ZNF653: variants seen among roughly 807,000 people sequenced by gnomAD.
ZNF653 encodes the protein 67 kDa zinc finger protein.
In ZNF653, 37 loss-of-function variants were observed where a neutral mutation model predicts 59.9. The observed-to-expected ratio is 0.62, with a 90% CI of 0.48 to 0.81. The LOEUF is 0.81. ZNF653 is among the 40% of genes least tolerant of loss of function. The probability of loss-of-function intolerance (pLI) is 0.00; values close to 1 mark genes in which losing one functional copy is unlikely to be tolerated. For synonymous variants in ZNF653, 435 were observed against 371.8 expected, an observed-to-expected ratio of 1.17 and a Z score of -1.96; for missense variants, 808 against 881.1, an observed-to-expected ratio of 0.92 and a Z score of 1.05.
At chr19:11,498,147 A>T in intron 2 of ZNF653, 149 bp downstream of exon 2, 1 of 1,016,734 alleles carries the variant, frequency 9.8e-7, no homozygotes, top group Non-Finnish European at 1.5e-6. Context: ...CGCCTGAGAC[A>T]CAAGACACGC....
Position 11,486,933 on chromosome 19 carries a change from G to C in ZNF653, c.1344-53C>G, listed in dbSNP as rs1342677676. The C allele has an allele frequency of 4.3e-6, 7 of 1,610,586 alleles. No individual in the cohort carries two copies. The Admixed American group carries it at 1.2e-4, about 27-fold the overall frequency. ...GGCTCCCGCACCAGGCAGGCTGGGG[G>C]CCTGCGGGCCGCTTCTAGCCCTCGC... On this transcript the variant is annotated intron_variant, in intron 5 of 8. Coordinates refer to ENST00000293771, the MANE Select transcript of ZNF653 (RefSeq NM_138783.4).
intron 2 of ZNF653, 136 bp from the exon 3 acceptor site, chr19:11,496,301 G>T: frequency 1.2e-6 from 1 of 817,356 alleles, no homozygotes; most frequent in Non-Finnish European, 1.9e-6. Context: ...CCTGTACCCA[G>T]TTTAAAGGGG....
In ZNF653 at chr19:11,483,540, G is replaced by T; in HGVS notation, c.*142C>A. The T allele has an allele frequency of 7.1e-7, 1 of 1,407,880 alleles. No individual in the cohort carries two copies. The highest frequency in any genetic ancestry group is 9.3e-7 in the Non-Finnish European group (1 of 1,079,340). 87.2% of individuals were successfully genotyped at this position (1,407,880 alleles called of 1,614,324 possible). On this transcript the variant is annotated 3_prime_UTR_variant, in exon 9 of 9. Coordinates refer to ENST00000293771, the MANE Select transcript of ZNF653 (RefSeq NM_138783.4). ...TGGGGCGGGGTGGGGAACCTGCCCA[G>T]GGGGCCCAGCTCTGGGGCGGGGCGG...
intron 1 of ZNF653, chr19:11,505,128 G>T (rs1254718379): frequency 1.8e-5 from 4 of 225,150 alleles, no homozygotes; most frequent in Non-Finnish European, 2.6e-5. Context: ...CTAAGCGGGG[G>T]AGGATGAGAC....
chr19:11,489,959 T>G (rs977873743), intron 3 of ZNF653, among the ~76,000 whole-genome samples: 3 of 152,220 alleles, frequency 2.0e-5, no homozygotes, highest in African/African-American at 7.2e-5. Flanking sequence ...CGATTCTCGA[T>G]GCCAACTGAA....
chr19:11,486,933 G>T (rs1342677676), intron 5 of ZNF653, 53 bp from the exon 6 acceptor site: 4 of 1,610,586 alleles, frequency 2.5e-6, no homozygotes, highest in Admixed American at 3.3e-5. Flanking sequence ...CAGGCTGGGG[G>T]CCTGCGGGCC....
intron 3 of ZNF653, among the ~76,000 whole-genome samples, chr19:11,494,994 G>A (rs927248960): frequency 1.2e-4 from 18 of 152,212 alleles, no homozygotes; most frequent in African/African-American, 3.1e-4. Context: ...GAGCCTGGCC[G>A]ACACTTGGTG....
intron 3 of ZNF653, among the ~76,000 whole-genome samples, chr19:11,490,412 A>G (rs1483487486): frequency 6.6e-6 from 1 of 152,086 alleles, no homozygotes; most frequent in Non-Finnish European, 1.5e-5. Context: ...TTTGAGACAG[A>G]GCCTTGCTCT....
chr19:11,500,392 T>G (rs1971631376), intron 1 of ZNF653, among the ~76,000 whole-genome samples: 1 of 151,964 alleles, frequency 6.6e-6, no homozygotes, highest in African/African-American at 2.4e-5. Context: ...TGGAGTGGAG[T>G]AGCACTATCT....
rs112532314 is a variant in ZNF653 at position 11,489,059 on chromosome 19, C to A, written c.560-1156G>T. 3.4e-3 allele frequency among the ~76,000 whole-genome samples: 518 copies of A among 151,914 alleles called. 1 individual carries two copies. The highest frequency in any genetic ancestry group is 6.4e-3 in the Non-Finnish European group (438 of 67,976). ...GGATTACAGGCGTGCACCACCACAC[C>A]TGGCTAATTTGTGTGTTTTTAGTAG... On this transcript the variant is annotated intron_variant, in intron 3 of 8. Transcript: ENST00000293771.
intron 3 of ZNF653, among the ~76,000 whole-genome samples, chr19:11,489,177 GT>G (rs1971504671): frequency 6.6e-6 from 1 of 151,202 alleles, no homozygotes; most frequent in Non-Finnish European, 1.5e-5. Flanking sequence ...TAGAATTATA[GT>G]CATGAGCCAC....
intron 2 of ZNF653, among the ~76,000 whole-genome samples, chr19:11,496,718 A>G (rs554879567): frequency 6.6e-6 from 1 of 152,260 alleles, no homozygotes; most frequent in African/African-American, 2.4e-5. Context: ...AAATACAAAA[A>G]TTGGCCGGCA....
At chr19:11,494,464 G>T (rs1466898838) in intron 3 of ZNF653, among the ~76,000 whole-genome samples, 1 of 152,194 alleles carries the variant, frequency 6.6e-6, no homozygotes, top group East Asian at 1.9e-4. Flanking sequence ...GCCGAGGTGG[G>T]TGGATCAACT....
chr19:11,493,379 G>A (rs1205172915), intron 3 of ZNF653, among the ~76,000 whole-genome samples: 1 of 152,104 alleles, frequency 6.6e-6, no homozygotes, highest in Non-Finnish European at 1.5e-5. Context: ...TCTTTAATGA[G>A]TAAATATGTA....
At chr19:11,497,709 T>C (rs1362988282) in intron 2 of ZNF653, among the ~76,000 whole-genome samples, 1 of 152,124 alleles carries the variant, frequency 6.6e-6, no homozygotes, top group African/African-American at 2.4e-5. Flanking sequence ...GTCTAGGGAA[T>C]GTGCTCACAG....
chr19:11,487,085 C>G lies in ZNF653; in HGVS notation c.1245G>C (p.Val415=). Residue 415 remains valine (V), a synonymous_variant, in exon 5 of 9, where the codon GTG becomes GTC. Transcript: ENST00000293771. The surrounding 1 kb of genome is among the most constrained non-coding windows in gnomAD (Gnocchi z 5.1). ...CTGCCTCAGGCTCTGCGCTCTCAGGCACCGTTGTTGCCAGCTCCGGGGCTA... is the reference window on the plus strand; with the variant it reads ...CTGCCTCAGGCTCTGCGCTCTCAGGGACCGTTGTTGCCAGCTCCGGGGCTA... ...EPVAPELATT[V]PESAEPEAEA... 6.2e-7 allele frequency: 1 copy of G among 1,614,058 alleles called. No individual in the cohort carries two copies. The highest frequency in any genetic ancestry group is 8.5e-7 in the Non-Finnish European group (1 of 1,180,032).
intron 1 of ZNF653, chr19:11,504,405 AAAAAG>A (rs961324999): frequency 2.1e-5 from 11 of 528,690 alleles, no homozygotes; most frequent in South Asian, 8.2e-5. Context: ...TGTCTCAAAA[AAAAAG>A]AAAAGAAAAG....
In ZNF653 at chr19:11,487,230, C is replaced by T. The variant is rs1971477253; in HGVS notation, c.1171+62G>A. The stretch of plus-strand genomic sequence containing the variant: ...GAGGTGCCCACTTCGAGGGCCATTC[C>T]TCGCCCGGCCCCTCCCAGGCCCAAC... On this transcript the variant is annotated intron_variant, in intron 4 of 8. Transcript: ENST00000293771. The surrounding 1 kb of genome is among the most constrained non-coding windows in gnomAD (Gnocchi z 5.1). 6.3e-7 allele frequency: 1 copy of T among 1,598,284 alleles called. No individual in the cohort carries two copies. Among genetic ancestry groups the T allele is most frequent in the Admixed American group, 1.7e-5 (1 of 59,172 alleles).
Position 11,484,124 on chromosome 19 carries a change from AG to A in ZNF653, c.1587del (p.Cys530AlafsTer46), listed in dbSNP as rs1971439347. On this transcript the variant is annotated frameshift_variant, in exon 8 of 9. Coordinates refer to ENST00000293771, the MANE Select transcript of ZNF653 (RefSeq NM_138783.4). LOFTEE classifies it high-confidence loss of function. ...MIIHSGVREF[T>X]CETCGKSFKR... is the part of the protein sequence containing the mutation. ...TTGAAGGACTTGCCGCAGGTCTCGC[AG>A]GTGAATTCACGGACACCTGGGGGCG... 6.4e-7 allele frequency: 1 copy of A among 1,553,800 alleles called. No homozygotes were observed.
Sources: allele counts gnomAD v4.1 joint callset (sites outside exome capture counted in the v4.1 genomes callset), GRCh38; gene constraint gnomAD v4.1.1; non-coding constraint Gnocchi (gnomAD v3.1); transcripts MANE v1.5; gene names NCBI Gene and HGNC (gene_info 2026-07-23, HGNC 2026-07-21).